MCF2: variants seen among roughly 807,000 people sequenced by gnomAD.
MCF2 encodes MCF.2 cell line derived transforming sequence, also known as proto-oncogene DBL.
Under a neutral mutation model 82.5 loss-of-function variants are expected in MCF2, and 44 were observed. The ratio of observed to expected loss-of-function variants is 0.53; its 90% CI spans 0.42 to 0.69. The LOEUF is 0.69. MCF2 is among the 30% of genes least tolerant of loss of function. MCF2 has a pLI of 0.00. For synonymous variants in MCF2, 217 were observed against 224.9 expected (o/e 0.96, Z 0.32); for missense variants, 623 against 663.1 (o/e 0.94, Z 0.66).
At chrX:139,671,034 G>C (rs936183076) in intron 1 of MCF2, among the ~76,000 whole-genome samples, 5 of 111,641 alleles carry the variant, frequency 4.5e-5, no homozygotes, top group African/African-American at 1.6e-4. Flanking sequence ...ATCTCATTGT[G>C]GTTTTGATTT....
chrX:139,646,249 G>T (rs1483680182), upstream of MCF2, among the ~76,000 whole-genome samples: 1 of 108,290 alleles, frequency 9.2e-6, no homozygotes, highest in Non-Finnish European at 1.9e-5. Context: ...TGTTCTTCAG[G>T]GTTAGTAACT....
At chrX:139,635,851 C>A (rs147438802) in intron 1 of MCF2, among the ~76,000 whole-genome samples, 3,418 of 109,865 alleles carry the variant, frequency 0.031, 53 homozygotes, top group Middle Eastern at 0.052. Flanking sequence ...CAATAGTGAT[C>A]TTTTCTGCTC....
intron 3 of MCF2, among the ~76,000 whole-genome samples, chrX:139,630,377 G>A (rs1932883091): frequency 9.0e-6 from 1 of 111,572 alleles, no homozygotes; most frequent in African/African-American, 3.3e-5. Context: ...AGAATATTTG[G>A]AATGGTGGCC....
chrX:139,662,329 G>A (rs1041686877), intron 1 of MCF2, among the ~76,000 whole-genome samples: 7 of 106,869 alleles, frequency 6.6e-5, no homozygotes, highest in East Asian at 2.8e-4. Context: ...ATTTTAGCTC[G>A]CTTTTTTCTT....
At chrX:139,595,658 C>T (rs746904034) in intron 19 of MCF2, among the ~76,000 whole-genome samples, 1,618 of 106,138 alleles carry the variant, frequency 0.015, 32 homozygotes, top group African/African-American at 0.053. Context: ...AGCACACCAG[C>T]GTGGCACATG....
chrX:139,660,065 C>T (rs1934315445), intron 1 of MCF2, among the ~76,000 whole-genome samples: 1 of 111,865 alleles, frequency 8.9e-6, no homozygotes, highest in Non-Finnish European at 1.9e-5. Flanking sequence ...TCAAACTTCT[C>T]TTATTCATTT....
intron 13 of MCF2, 34 bp from the exon 18 acceptor site, chrX:139,605,018 ATAAT>A: frequency 2.5e-6 from 2 of 790,659 alleles, no homozygotes; most frequent in Non-Finnish European, 3.7e-6. Context: ...GCATTTTAAA[ATAAT>A]TACATGCACA....
At chrX:139,668,243 T>C (rs1402029556) in intron 1 of MCF2, among the ~76,000 whole-genome samples, 1 of 111,583 alleles carries the variant, frequency 9.0e-6, no homozygotes, top group East Asian at 2.8e-4. Context: ...AGCAGGCTGA[T>C]TCCCCAGTTT....
chrX:139,596,176 G>A (rs1430382926), intron 19 of MCF2, among the ~76,000 whole-genome samples: 1 of 111,143 alleles, frequency 9.0e-6, no homozygotes, highest in Non-Finnish European at 1.9e-5. Context: ...CTCTCCTGTA[G>A]CATAAGGCTC....
upstream of MCF2, chrX:139,646,786 T>A: frequency 1.0e-6 from 1 of 991,004 alleles, no homozygotes; most frequent in Non-Finnish European, 1.4e-6. Context: ...TGAAATACTA[T>A]ACCTTGCAAT....
intron 12 of MCF2, among the ~76,000 whole-genome samples, chrX:139,606,047 C>T (rs1468703430): frequency 1.3e-4 from 13 of 100,466 alleles, no homozygotes; most frequent in African/African-American, 4.7e-4. Context: ...CGCTTTCTTT[C>T]ATATATATAC....
intron 6 of MCF2, among the ~76,000 whole-genome samples, chrX:139,619,997 T>TTG (rs57662065): frequency 0.27 from 25,161 of 92,911 alleles, 3,838 homozygotes; most frequent in Non-Finnish European, 0.39. Context: ...ATATATACAT[T>TTG]TGTGTGTGTG....
chrX:139,597,435 C>T, intron 18 of MCF2, 25 bp downstream of exon 22: 1 of 1,160,857 alleles, frequency 8.6e-7, no homozygotes, highest in African/African-American at 1.8e-5. Context: ...CTCTAAAATT[C>T]CAACAATTAT....
chrX:139,678,283 C>A (rs1934919990), intron 1 of MCF2, among the ~76,000 whole-genome samples: 1 of 111,912 alleles, frequency 8.9e-6, no homozygotes, highest in Admixed American at 9.5e-5. Context: ...ATAGCAGTTA[C>A]CCCTGGGATA....
intron 1 of MCF2, among the ~76,000 whole-genome samples, chrX:139,691,376 A>G (rs912196095): frequency 9.0e-6 from 1 of 111,399 alleles, no homozygotes; most frequent in Non-Finnish European, 1.9e-5. Context: ...ACAAAAAAAA[A>G]TTGCTTTTTC....
chrX:139,606,292 A>G (rs1329905255), intron 12 of MCF2, among the ~76,000 whole-genome samples: 4 of 109,922 alleles, frequency 3.6e-5, no homozygotes, highest in Non-Finnish European at 7.6e-5. Context: ...GAAATTTTCT[A>G]AAGGAGGCCG....
chrX:139,652,126 G>C (rs1419675152), intron 1 of MCF2, among the ~76,000 whole-genome samples: 1 of 111,992 alleles, frequency 8.9e-6, no homozygotes, highest in Non-Finnish European at 1.9e-5. Flanking sequence ...CACTGTAGCA[G>C]ATTGTCTTCT....
chrX:139,704,012 T>C (rs770179221), intron 1 of MCF2, among the ~76,000 whole-genome samples: 73 of 111,756 alleles, frequency 6.5e-4, no homozygotes, highest in Non-Finnish European at 1.3e-3. Flanking sequence ...AGAGGATCAA[T>C]AGGCACAGAG....
At position 139,604,989 on chromosome X, in the gene MCF2, C is replaced by T; in HGVS notation, c.1558-5G>A. 1 of 1,027,224 alleles carries T rather than the reference C, an allele frequency of 9.7e-7. No individual in the cohort carries two copies. The highest frequency in any genetic ancestry group is 1.3e-6 in the Non-Finnish European group (1 of 750,860). The allele number at this position is 1,027,224 out of a possible 1,213,427, so 84.7% of individuals were successfully genotyped here. On this transcript the variant is annotated splice_polypyrimidine_tract_variant and splice_region_variant and intron_variant, in intron 13 of 24. Coordinates refer to ENST00000370576, the Ensembl canonical transcript of MCF2. ...ATCCATCTCCGCTCTATAACCCTACCCAAAATAAATACATTCATGCATTTT... is the reference window on the plus strand; with the variant it reads ...ATCCATCTCCGCTCTATAACCCTACTCAAAATAAATACATTCATGCATTTT...
Sources: allele counts gnomAD v4.1 joint callset (sites outside exome capture counted in the v4.1 genomes callset), GRCh38; gene constraint gnomAD v4.1.1; transcripts MANE v1.5; gene names NCBI Gene and HGNC (gene_info 2026-07-23, HGNC 2026-07-21).